The following SDCCAG8 variants were observed in gnomAD, a reference collection of about 807,000 sequenced individuals.
The protein encoded by SDCCAG8 is SHH signaling and ciliogenesis regulator SDCCAG8.
In SDCCAG8, 74 loss-of-function variants were observed where a neutral mutation model predicts 101.8. The observed-to-expected ratio is 0.73, with a 90% CI of 0.60 to 0.88. The LOEUF (loss-of-function observed/expected upper bound fraction) is 0.88, where lower values mean the gene tolerates loss of function less well. Ranked by LOEUF, SDCCAG8 falls within the 40% of genes least tolerant of loss-of-function variation. The probability of loss-of-function intolerance (pLI) is 0.00; values close to 1 mark genes in which losing one functional copy is unlikely to be tolerated. For missense variants in SDCCAG8, 787 were observed against 822.6 expected (o/e 0.96, Z 0.53); for synonymous variants, 281 against 292.9 (o/e 0.96, Z 0.41).
At chr1:243,263,147 A>G (rs993587802) in intron 1 of SDCCAG8, among the ~76,000 whole-genome samples, 1 of 152,180 alleles carries the variant, frequency 6.6e-6, no homozygotes, top group South Asian at 2.1e-4. Flanking sequence ...GAGTGATAGC[A>G]AGTCTCCCCT....
intron 1 of SDCCAG8, among the ~76,000 whole-genome samples, chr1:243,264,669 C>T (rs989101166): frequency 3.3e-5 from 5 of 152,110 alleles, no homozygotes; most frequent in Admixed American, 2.0e-4. Flanking sequence ...AGCTAGCAGC[C>T]ATTAGCTCAG....
chr1:243,401,844 T>C lies in SDCCAG8; in HGVS notation c.1617-13858T>C, dbSNP rs142386576. 5.5e-3 allele frequency among the ~76,000 whole-genome samples: 840 copies of C among 152,306 alleles called. 14 individuals carry two copies. The highest frequency in any genetic ancestry group is 0.02 in the African/African-American group (812 of 41,564). On this transcript the variant is annotated intron_variant, in intron 13 of 17. Transcript: ENST00000366541. ...CTTCTCCTTTGTTTCTCCTTTCAAA[T>C]CATAGGTGAGTGGCTGAATTAAATG...
intron 16 of SDCCAG8, among the ~76,000 whole-genome samples, chr1:243,477,033 CAG>C (rs371572944): frequency 0.23 from 34,798 of 150,104 alleles, 4,477 homozygotes; most frequent in African/African-American, 0.36. Context: ...CACACACACA[CAG>C]AGAGAAAGGC....
At chr1:243,377,626 T>A (rs2077675049) in intron 12 of SDCCAG8, among the ~76,000 whole-genome samples, 1 of 152,000 alleles carries the variant, frequency 6.6e-6, no homozygotes, top group African/African-American at 2.4e-5. Context: ...ATTATTTAAT[T>A]TATCTTCCAT....
Position 243,427,550 on chromosome 1 carries a change from C to T in SDCCAG8, c.1985+992C>T, listed in dbSNP as rs1036402454. Among the ~76,000 whole-genome samples the T allele has an allele frequency of 3.3e-5, 5 of 151,984 alleles. No individual in the cohort carries two copies. In the East Asian group the frequency reaches 9.6e-4, roughly 29 times the overall value. On this transcript the variant is annotated intron_variant, in intron 16 of 17. Transcript: ENST00000366541. Reference sequence around the variant, plus strand: ...GACACGGTTCGCGTGGCCTCCAGCTCGGCATCCCCACACCATTTCCCAGCC... The same window carrying T: ...GACACGGTTCGCGTGGCCTCCAGCTTGGCATCCCCACACCATTTCCCAGCC...
At chr1:243,333,862 T>C (rs943554845) in intron 10 of SDCCAG8, among the ~76,000 whole-genome samples, 6 of 152,216 alleles carry the variant, frequency 3.9e-5, no homozygotes, top group African/African-American at 1.4e-4. Flanking sequence ...TTCTGGAGTT[T>C]AGCAGGGAGC....
In SDCCAG8 at chr1:243,286,597, TAC is replaced by T. The variant is rs781229537; in HGVS notation, c.546+202_546+203del. On this transcript the variant is annotated intron_variant, in intron 5 of 17. Transcript: ENST00000366541. ...ATGAAACGATCTTGTGATATTTTGC[TAC>T]AGTTTCCTCTCTGAGCATACCGTTT... 8.5e-5 allele frequency among the ~76,000 whole-genome samples: 13 copies of T among 152,338 alleles called. No homozygotes were observed. In the East Asian group the frequency reaches 2.1e-3, roughly 25 times the overall value.
intron 10 of SDCCAG8, among the ~76,000 whole-genome samples, chr1:243,339,912 A>C (rs1199758081): frequency 6.6e-6 from 1 of 152,214 alleles, no homozygotes; most frequent in African/African-American, 2.4e-5. Context: ...AGGTATTCCT[A>C]TATGTTCTGC....
Position 243,293,185 on chromosome 1 carries a change from G to A in SDCCAG8, c.641G>A (p.Gly214Asp), listed in dbSNP as rs2070444581. 1 of 1,613,958 alleles carries A rather than the reference G, an allele frequency of 6.2e-7. No homozygotes were observed. The highest frequency in any genetic ancestry group is 1.3e-5 in the African/African-American group (1 of 74,920). The stretch of plus-strand genomic sequence containing the variant: ...TTTTCCCATGACAATGCAGATTTTG[G>A]CAAAGCTGCATCTGCTGGTGAGCAG... ...RPFSHDNADF[G>D]KAASAGEQLE... Residue 214 changes from glycine to aspartate, a missense_variant, in exon 6 of 18, where the codon GGC (glycine) becomes GAC (aspartate). Coordinates refer to ENST00000366541, the MANE Select transcript of SDCCAG8 (RefSeq NM_006642.5).
chr1:243,297,430 A>T (rs1159617256), intron 6 of SDCCAG8, among the ~76,000 whole-genome samples: 2 of 152,212 alleles, frequency 1.3e-5, no homozygotes, highest in African/African-American at 4.8e-5. Context: ...TTTACGTTGC[A>T]TATGTATGTT....
chr1:243,443,191 T>C (rs769787046), intron 16 of SDCCAG8, among the ~76,000 whole-genome samples: 10 of 152,212 alleles, frequency 6.6e-5, no homozygotes, highest in Admixed American at 3.3e-4. Context: ...ATAAGCAGTG[T>C]AACTTTCTCT....
intron 5 of SDCCAG8, among the ~76,000 whole-genome samples, chr1:243,288,991 A>G (rs113823135): frequency 4.0e-5 from 6 of 150,886 alleles, no homozygotes; most frequent in African/African-American, 1.5e-4. Flanking sequence ...TGGGCGACAG[A>G]GCAAGACTCC....
At chr1:243,412,969 G>A (rs1457402949) in intron 13 of SDCCAG8, among the ~76,000 whole-genome samples, 1 of 152,070 alleles carries the variant, frequency 6.6e-6, no homozygotes, top group Non-Finnish European at 1.5e-5. Context: ...AGGAGAGAAG[G>A]CAACATAGGA....
chr1:243,294,466 C>T (rs915913965), intron 6 of SDCCAG8, among the ~76,000 whole-genome samples: 14 of 59,392 alleles, frequency 2.4e-4, no homozygotes, highest in South Asian at 5.8e-4. Context: ...CCACTCCCCC[C>T]AAAAGGTGGG....
chr1:243,435,612 T>C (rs975160061), intron 16 of SDCCAG8, among the ~76,000 whole-genome samples: 1 of 152,210 alleles, frequency 6.6e-6, no homozygotes, highest in Non-Finnish European at 1.5e-5. Flanking sequence ...CAAAATACCA[T>C]GTTTACATAA....
chr1:243,423,511 A>G (rs1353140176), intron 15 of SDCCAG8, among the ~76,000 whole-genome samples: 16 of 152,154 alleles, frequency 1.1e-4, no homozygotes, highest in Admixed American at 6.5e-5. Context: ...TTGCGTGTAT[A>G]AGAATTATTA....
intron 16 of SDCCAG8, among the ~76,000 whole-genome samples, chr1:243,439,110 A>T (rs1333106951): frequency 6.6e-6 from 1 of 152,150 alleles, no homozygotes; most frequent in Non-Finnish European, 1.5e-5. Flanking sequence ...ACAATGTGTG[A>T]TAATGTGTTA....
chr1:243,350,215 CT>C (rs531021118), intron 12 of SDCCAG8, among the ~76,000 whole-genome samples: 66 of 146,762 alleles, frequency 4.5e-4, no homozygotes, highest in African/African-American at 1.0e-3. Flanking sequence ...TTTTTTCTTT[CT>C]TTTTTTTTTT....
chr1:243,419,249 G>A (rs1201060831), intron 15 of SDCCAG8, among the ~76,000 whole-genome samples: 1 of 151,778 alleles, frequency 6.6e-6, no homozygotes, highest in Non-Finnish European at 1.5e-5. Flanking sequence ...TTTTGGTAGG[G>A]GAAAACCTAG....
Sources: gnomAD v4.1 joint callset for allele counts (sites outside exome capture counted in the v4.1 genomes callset) on GRCh38, gnomAD v4.1.1 for gene constraint, MANE v1.5 for transcripts, NCBI Gene and HGNC (gene_info 2026-07-23, HGNC 2026-07-21) for gene names.